The following DNM3 variants were observed in gnomAD, a reference collection of about 807,000 sequenced individuals.
DNM3 encodes the protein dynamin 3.
A neutral mutation model predicts 101.6 loss-of-function variants in DNM3; 47 were observed. The ratio of observed to expected loss-of-function variants is 0.46; its 90% CI spans 0.37 to 0.59. The LOEUF is 0.59. Ranked by LOEUF, DNM3 falls within the 20% of genes least tolerant of loss-of-function variation. The pLI is 0.00. For missense variants in DNM3, 849 were observed against 1,085.7 expected (o/e 0.78, Z 3.06); for synonymous variants, 385 against 387.9 (o/e 0.99, Z 0.09).
intron 20 of DNM3, among the ~76,000 whole-genome samples, chr1:172,398,930 C>T (rs980174838): frequency 1.1e-4 from 16 of 152,142 alleles, no homozygotes; most frequent in African/African-American, 2.2e-4. Flanking sequence ...GAGATTAAAA[C>T]GGATTGGTTG....
chr1:172,128,678 A>C (rs1366028327), intron 13 of DNM3, among the ~76,000 whole-genome samples: 4 of 152,186 alleles, frequency 2.6e-5, no homozygotes, highest in Non-Finnish European at 5.9e-5. Context: ...CACTTATGGC[A>C]CATCTTAATG....
In DNM3 at chr1:171,963,431, G is replaced by A. The variant is rs572753565; in HGVS notation, c.236-24225G>A. Reference sequence around the variant, plus strand: ...ATTTTTAGGGCAATGAAAATACTCTGTATGATACTATATGGTGGATACAAC... The same window carrying A: ...ATTTTTAGGGCAATGAAAATACTCTATATGATACTATATGGTGGATACAAC... On this transcript the variant is annotated intron_variant, in intron 2 of 20. Coordinates refer to ENST00000627582, the MANE Select transcript of DNM3 (RefSeq NM_015569.5). 1.8e-3 allele frequency among the ~76,000 whole-genome samples: 271 copies of A among 152,188 alleles called. 1 individual carries two copies. Among genetic ancestry groups the A allele is most frequent in the Non-Finnish European group, 3.0e-3 (206 of 67,998 alleles).
Position 171,953,349 on chromosome 1 carries a change from A to G in DNM3, c.235+31528A>G, listed in dbSNP as rs1243912984. On this transcript the variant is annotated intron_variant, in intron 2 of 20. Transcript: ENST00000627582. ...TTAGTCAAGTCATCTGGCACTTTTCATGATATCAGTTATCTGACCTTTAAA... is the reference window on the plus strand; with the variant it reads ...TTAGTCAAGTCATCTGGCACTTTTCGTGATATCAGTTATCTGACCTTTAAA... Among the ~76,000 whole-genome samples the G allele has an allele frequency of 2.6e-5, 4 of 151,998 alleles. No homozygotes were observed. The East Asian group carries it at 7.7e-4, about 29-fold the overall frequency.
At chr1:172,065,676 T>A (rs2051597498) in intron 10 of DNM3, among the ~76,000 whole-genome samples, 1 of 152,116 alleles carries the variant, frequency 6.6e-6, no homozygotes, top group Non-Finnish European at 1.5e-5. Context: ...ATCTCAGGAT[T>A]CAGATAAGAG....
At chr1:171,875,506 A>G (rs116652225) in intron 1 of DNM3, among the ~76,000 whole-genome samples, 1 of 152,334 alleles carries the variant, frequency 6.6e-6, no homozygotes, top group African/African-American at 2.4e-5. Context: ...TAGATTTGGC[A>G]TCTGAAGGAG....
At chr1:172,000,321 A>G (rs2046283208) in intron 4 of DNM3, among the ~76,000 whole-genome samples, 1 of 152,086 alleles carries the variant, frequency 6.6e-6, no homozygotes, top group Non-Finnish European at 1.5e-5. Context: ...GTGATGTGGC[A>G]GGTCAACCAG....
intron 1 of DNM3, among the ~76,000 whole-genome samples, chr1:171,914,363 A>T (rs1231239957): frequency 6.6e-6 from 1 of 151,492 alleles, no homozygotes; most frequent in East Asian, 2.0e-4. Context: ...CTCCATGTTG[A>T]TCAGGCTTGT....
chr1:172,281,929 A>G (rs984661100), intron 15 of DNM3, among the ~76,000 whole-genome samples: 6 of 152,210 alleles, frequency 3.9e-5, no homozygotes, highest in African/African-American at 1.4e-4. Flanking sequence ...ATTTACAAAA[A>G]TTAAAAAAGA....
chr1:171,984,344 G>A lies in DNM3; in HGVS notation c.236-3312G>A, dbSNP rs528506223. ...AATCAAAGTCCTTAAAATGGTCCAC[G>A]GGCCCTCCACATCCAGGCCTGTCCA... On this transcript the variant is annotated intron_variant, in intron 2 of 20. Coordinates refer to ENST00000627582, the MANE Select transcript of DNM3 (RefSeq NM_015569.5). Among the ~76,000 whole-genome samples, 146 of 152,188 alleles carry A rather than the reference G, an allele frequency of 9.6e-4. 1 individual carries two copies. The highest frequency in any genetic ancestry group is 3.3e-3 in the East Asian group (17 of 5,178).
At chr1:172,208,929 A>G (rs374469089) in intron 14 of DNM3, among the ~76,000 whole-genome samples, 1 of 151,344 alleles carries the variant, frequency 6.6e-6, no homozygotes, top group East Asian at 2.0e-4. Flanking sequence ...GTTGAAATAC[A>G]TGGATCCAGG....
At chr1:171,981,729 T>C (rs2044811303) in intron 2 of DNM3, among the ~76,000 whole-genome samples, 1 of 152,246 alleles carries the variant, frequency 6.6e-6, no homozygotes, top group African/African-American at 2.4e-5. Flanking sequence ...TTTGCTTCAA[T>C]TGTAGGCTAT....
At chr1:171,950,257 G>T (rs986593457) in intron 2 of DNM3, among the ~76,000 whole-genome samples, 1 of 152,178 alleles carries the variant, frequency 6.6e-6, no homozygotes, top group African/African-American at 2.4e-5. Flanking sequence ...CCAACTTACA[G>T]GGTTCAGCTT....
intron 2 of DNM3, among the ~76,000 whole-genome samples, chr1:171,929,547 T>A (rs1333826593): frequency 6.6e-6 from 1 of 151,964 alleles, no homozygotes; most frequent in Admixed American, 6.6e-5. Flanking sequence ...ACTGGGGACC[T>A]GCTTAAAAAA....
At chr1:172,057,937 A>G (rs970162029) in intron 10 of DNM3, among the ~76,000 whole-genome samples, 1 of 138,310 alleles carries the variant, frequency 7.2e-6, no homozygotes, top group African/African-American at 2.8e-5. Flanking sequence ...AGTGTGCTGT[A>G]TTCAGGAAAC....
At chr1:172,003,804 G>T (rs967742862) in intron 4 of DNM3, among the ~76,000 whole-genome samples, 7 of 151,972 alleles carry the variant, frequency 4.6e-5, no homozygotes, top group African/African-American at 1.7e-4. Context: ...TGGGGTGGGG[G>T]TGAGGTAAGG....
chr1:172,143,575 C>A (rs2057709864), intron 14 of DNM3, among the ~76,000 whole-genome samples: 1 of 151,928 alleles, frequency 6.6e-6, no homozygotes, highest in African/African-American at 2.4e-5. Flanking sequence ...AAGAAAACTT[C>A]TGCCTTCGTT....
chr1:172,071,683 C>T (rs1298363525), intron 11 of DNM3, among the ~76,000 whole-genome samples: 1 of 152,234 alleles, frequency 6.6e-6, no homozygotes, highest in African/African-American at 2.4e-5. Flanking sequence ...CTGTCTGTAG[C>T]TTTTTCTTAA....
chr1:172,219,631 A>T (rs1236630065), intron 14 of DNM3, among the ~76,000 whole-genome samples: 2 of 152,096 alleles, frequency 1.3e-5, no homozygotes, highest in African/African-American at 2.4e-5. Context: ...GAGGTGCTGG[A>T]CCTTTTTAGA....
chr1:172,321,279 C>T (rs2065703614), intron 16 of DNM3, among the ~76,000 whole-genome samples: 1 of 152,172 alleles, frequency 6.6e-6, no homozygotes, highest in Non-Finnish European at 1.5e-5. Flanking sequence ...GATGACCCCT[C>T]ATATGCATTT....
Sources: allele counts gnomAD v4.1 joint callset (sites outside exome capture counted in the v4.1 genomes callset), GRCh38; gene constraint gnomAD v4.1.1; transcripts MANE v1.5; gene names NCBI Gene and HGNC (gene_info 2026-07-23, HGNC 2026-07-21).